Variants in CAST observed in about 807,000 individuals in gnomAD.
CAST encodes calpastatin.
A neutral mutation model predicts 119.6 loss-of-function variants in CAST; 76 were observed. That is an observed-to-expected ratio of 0.64 (90% confidence interval 0.53 to 0.77). CAST has a LOEUF of 0.77. CAST is among the 30% of genes least tolerant of loss of function. CAST has a pLI of 0.00. For synonymous variants in CAST, 319 were observed against 331.6 expected (o/e 0.96, Z 0.41); for missense variants, 953 against 946.5 (o/e 1.01, Z -0.09).
chr5:96,572,278 G>A (rs965867896), intron 1 of CAST, among the ~76,000 whole-genome samples: 1 of 151,518 alleles, frequency 6.6e-6, no homozygotes, highest in Non-Finnish European at 1.5e-5. Context: ...TCGGCTGACT[G>A]CAACCTCTGC....
intron 9 of CAST, among the ~76,000 whole-genome samples, chr5:96,734,166 A>G (rs1458556711): frequency 6.6e-6 from 1 of 152,240 alleles, no homozygotes. Flanking sequence ...TCTGGGCACA[A>G]AGTACATTCC....
At chr5:96,166,508 C>T in the CAST span, among the ~76,000 whole-genome samples, 1 of 152,096 alleles carries the variant, frequency 6.6e-6, no homozygotes, top group Non-Finnish European at 1.5e-5. Context: ...ACAGAAACAC[C>T]ATCCAGGGAC....
Position 96,613,688 on chromosome 5 carries a change from G to T in CAST, c.61-61851G>T, listed in dbSNP as rs183206616. ...CATTTTTAAATGAAACAACTTAAGG[G>T]TATTCAAAGGCACAAAACAACAACA... On this transcript the variant is annotated intron_variant, in intron 1 of 11. Transcript: ENST00000505143. Among the ~76,000 whole-genome samples the T allele has an allele frequency of 2.7e-3, 406 of 152,186 alleles. 3 individuals carry two copies. The highest frequency in any genetic ancestry group is 9.4e-3 in the African/African-American group (390 of 41,536).
chr5:96,388,952 A>G, the CAST span, among the ~76,000 whole-genome samples: 2 of 152,180 alleles, frequency 1.3e-5, no homozygotes, highest in African/African-American at 4.8e-5. Flanking sequence ...CTTGCAATAA[A>G]TGAATGAACC....
At chr5:96,037,351 A>G in the CAST span, among the ~76,000 whole-genome samples, 1 of 152,178 alleles carries the variant, frequency 6.6e-6, no homozygotes, top group Non-Finnish European at 1.5e-5. Context: ...TGCTATGACT[A>G]ATTGTTAGGC....
At chr5:96,381,859 A>G in the CAST span, among the ~76,000 whole-genome samples, 1 of 152,236 alleles carries the variant, frequency 6.6e-6, no homozygotes, top group African/African-American at 2.4e-5. Flanking sequence ...TGAAATCAGT[A>G]TAAGCAATAA....
Position 96,668,150 on chromosome 5 carries a change from G to GCACA in CAST, c.75+5673_75+5676dup, listed in dbSNP as rs10534655. Among the ~76,000 whole-genome samples, 443 of 149,728 alleles carry GCACA rather than the reference G, an allele frequency of 3.0e-3. 2 individuals carry two copies. The highest frequency in any genetic ancestry group is 0.011 in the African/African-American group (430 of 40,502). On this transcript the variant is annotated intron_variant, in intron 1 of 31. Coordinates refer to ENST00000675179, the MANE Select transcript of CAST (RefSeq NM_001750.7). ...CACAGCTACCAGCACAGACACGCGT[G>GCACA]CACACACACACACACACACACACCC...
the CAST span, among the ~76,000 whole-genome samples, chr5:96,384,876 T>C: frequency 5.3e-5 from 8 of 152,146 alleles, no homozygotes; most frequent in African/African-American, 1.9e-4. Flanking sequence ...TATTGAGAAG[T>C]CCTACAGTGA....
chr5:96,126,326 A>G, the CAST span, among the ~76,000 whole-genome samples: 28 of 152,268 alleles, frequency 1.8e-4, no homozygotes, highest in African/African-American at 6.5e-4. Context: ...TTTATCTTTT[A>G]TAAGGGTATT....
intron 1 of CAST, among the ~76,000 whole-genome samples, chr5:96,672,807 A>G (rs1317617680): frequency 1.3e-5 from 2 of 151,736 alleles, no homozygotes; most frequent in African/African-American, 4.8e-5. Flanking sequence ...ATGTCATTAT[A>G]CTTTTGTGTA....
the CAST span, among the ~76,000 whole-genome samples, chr5:96,111,705 CACA>C: frequency 2.6e-5 from 4 of 152,196 alleles, no homozygotes; most frequent in Non-Finnish European, 4.4e-5. Context: ...ATTATTATAT[CACA>C]ACATCACAGT....
At chr5:96,586,222 A>T (rs78143559) in intron 1 of CAST, among the ~76,000 whole-genome samples, 270 of 152,340 alleles carry the variant, frequency 1.8e-3, no homozygotes, top group Middle Eastern at 3.4e-3. Context: ...AGGGTCAATA[A>T]GGTGAAAAGT....
the CAST span, among the ~76,000 whole-genome samples, chr5:96,254,047 G>A: frequency 6.6e-6 from 1 of 152,080 alleles, no homozygotes; most frequent in African/African-American, 2.4e-5. Flanking sequence ...GGTTAGCACA[G>A]TAAACTGTTG....
At chr5:96,570,825 T>G (rs1746554902) in intron 1 of CAST, among the ~76,000 whole-genome samples, 1 of 152,164 alleles carries the variant, frequency 6.6e-6, no homozygotes, top group Admixed American at 6.5e-5. Context: ...CCCAAGTTTG[T>G]TTGAGTTATA....
intron 1 of CAST, among the ~76,000 whole-genome samples, chr5:96,579,714 TTTCAAGGGTTTACAG>T (rs1746738028): frequency 6.6e-6 from 1 of 152,228 alleles, no homozygotes; most frequent in African/African-American, 2.4e-5. Flanking sequence ...TCTTGAGTAA[TTTCAAGGGTTTACAG>T]TTCATTGTAG....
the CAST span, chr5:95,973,175 C>G: frequency 5.5e-6 from 1 of 180,372 alleles, no homozygotes; most frequent in East Asian, 1.6e-4. Flanking sequence ...ACCAATGTGC[C>G]ATGTATGAAG....
Position 96,730,805 on chromosome 5 carries a change from C to T in CAST, c.575C>T (p.Ala192Val), listed in dbSNP as rs1452054341. 5.6e-6 allele frequency: 9 copies of T among 1,613,748 alleles called. No homozygotes were observed. The highest frequency in any genetic ancestry group is 6.8e-6 in the Non-Finnish European group (8 of 1,179,776). The part of the protein sequence containing the change: ...PKTKPQDMIS[A>V]GGESVAGITA... ...ACTAAACCACAAGACATGATTTCTG[C>T]TGGTGGAGAGAGTGTTGCTGGTATC... Residue 192 changes from alanine to valine, a missense_variant, in exon 9 of 32, where the codon GCT becomes GTT. Ala to Val is a moderately conservative substitution (Grantham distance 64). Transcript: ENST00000675179.
At chr5:96,769,741 C>T (rs1771546504) in intron 29 of CAST, 1 of 151,650 alleles carries the variant, frequency 6.6e-6, no homozygotes, top group Non-Finnish European at 1.5e-5. Flanking sequence ...GTTTCCTCCT[C>T]CTGTTCCCTA....
the CAST span, among the ~76,000 whole-genome samples, chr5:96,291,398 T>G: frequency 6.6e-6 from 1 of 152,230 alleles, no homozygotes; most frequent in East Asian, 1.9e-4. Context: ...GTACAAATTC[T>G]CTTTGGAGAA....
Sources: allele counts gnomAD v4.1 joint callset (sites outside exome capture counted in the v4.1 genomes callset), GRCh38; gene constraint gnomAD v4.1.1; transcripts MANE v1.5; gene names NCBI Gene and HGNC (gene_info 2026-07-23, HGNC 2026-07-21).